Variants in PMEPA1 observed in about 807,000 individuals in gnomAD.
PMEPA1 encodes protein TMEPAI.
A neutral mutation model predicts 23.0 loss-of-function variants in PMEPA1; 11 were observed. The observed-to-expected ratio is 0.48, with a 90% CI of 0.30 to 0.79. The LOEUF (loss-of-function observed/expected upper bound fraction) is 0.79. PMEPA1 is among the 30% of genes least tolerant of loss of function. The probability of loss-of-function intolerance (pLI) is 0.06; values close to 1 mark genes in which losing one functional copy is unlikely to be tolerated. For missense variants in PMEPA1, 377 were observed against 390.9 expected (o/e 0.96, Z 0.30); for synonymous variants, 204 against 166.4 (o/e 1.23, Z -1.74).
In PMEPA1 at chr20:57,656,319, C is replaced by T. The variant is rs140655822; in HGVS notation, c.264+3224G>A. On this transcript the variant is annotated intron_variant, in intron 2 of 3. Transcript: ENST00000341744. This position sits in a 1 kb window ranked among gnomAD's most constrained non-coding sequence, Gnocchi z 4.7. The stretch of plus-strand genomic sequence containing the variant: ...AGATTGTCGCACATTGGCCTGGCCA[C>T]AGTCTTGTCCCTGCCCCTGGGAAAT... Among the ~76,000 whole-genome samples, 3,080 of 151,590 alleles carry T rather than the reference C, an allele frequency of 0.02. 51 individuals are homozygous for T. The highest frequency in any genetic ancestry group is 0.031 in the Non-Finnish European group (2,106 of 67,750).
upstream of PMEPA1, chr20:57,710,947 A>G (rs1336434466): frequency 6.5e-6 from 1 of 153,098 alleles, no homozygotes; most frequent in Non-Finnish European, 1.5e-5. Flanking sequence ...GCACTTAAGG[A>G]GCACCTACCT....
intron 1 of PMEPA1, among the ~76,000 whole-genome samples, chr20:57,681,829 A>C (rs1227172388): frequency 1.3e-5 from 2 of 152,110 alleles, no homozygotes; most frequent in African/African-American, 2.4e-5. Flanking sequence ...CTAGCTTAGC[A>C]GACCTCACCC....
At chr20:57,686,199 A>C (rs944746074) in intron 1 of PMEPA1, among the ~76,000 whole-genome samples, 2 of 152,118 alleles carry the variant, frequency 1.3e-5, no homozygotes, top group Non-Finnish European at 2.9e-5. Context: ...GGTTCTCCTA[A>C]ATGGGGGAAC....
At position 57,652,037 on chromosome 20, in the gene PMEPA1, G is replaced by C; in HGVS notation, c.*16C>G. Reference sequence around the variant, plus strand: ...CTTTTCACCTACGCAGCCCCAGCCCGGCCCCCCTGGGGACCCTAGAGAGGG... The same window carrying C: ...CTTTTCACCTACGCAGCCCCAGCCCCGCCCCCCTGGGGACCCTAGAGAGGG... On this transcript the variant is annotated 3_prime_UTR_variant, in exon 4 of 4. Transcript: ENST00000341744. This position sits in a 1 kb window ranked among gnomAD's most constrained non-coding sequence, Gnocchi z 6.1. 1.4e-6 allele frequency: 2 copies of C among 1,458,622 alleles called. No individual in the cohort carries two copies. The highest frequency in any genetic ancestry group is 1.4e-5 in the South Asian group (1 of 69,050). 90.4% of individuals were successfully genotyped at this position (1,458,622 alleles called of 1,614,324 possible). A position where few individuals can be genotyped will look rare whatever the true frequency, so the allele number is the denominator to read the frequency against.
At chr20:57,665,662 G>C (rs203386) in intron 1 of PMEPA1, among the ~76,000 whole-genome samples, 61,775 of 151,966 alleles carry the variant, frequency 0.41, 12,745 homozygotes, top group East Asian at 0.53. Flanking sequence ...TCCCCTGATG[G>C]TCCCTGGAAA....
At chr20:57,675,206 G>A (rs1451102757) in intron 1 of PMEPA1, among the ~76,000 whole-genome samples, 1 of 151,590 alleles carries the variant, frequency 6.6e-6, no homozygotes, top group Non-Finnish European at 1.5e-5. Flanking sequence ...GGTGGCAAGG[G>A]CCAGACTTTC....
intron 1 of PMEPA1, among the ~76,000 whole-genome samples, chr20:57,694,041 A>G (rs1568682435): frequency 6.6e-6 from 1 of 152,210 alleles, no homozygotes. Flanking sequence ...GCAGGGCCAC[A>G]GCCTGGACCA....
At chr20:57,661,624 A>C (rs2071420131) in intron 1 of PMEPA1, among the ~76,000 whole-genome samples, 1 of 152,154 alleles carries the variant, frequency 6.6e-6, no homozygotes, top group Admixed American at 6.5e-5. Flanking sequence ...CGGGGTGGGC[A>C]GGTGTCAGGT....
In PMEPA1 at chr20:57,652,285, T is replaced by G. The variant is rs146362224; in HGVS notation, c.632A>C (p.Asn211Thr). ...RLGGPCPPSS[N>T]SGISATCYGS... ...GTAGCACGTGGCGCTGATGCCCGAG[T>G]TACTGCTGGGGGGGCAGGGGCCGCC... The change falls in exon 4 of 4, where the codon AAC (asparagine) becomes ACC (threonine). Residue 211 changes from asparagine to threonine, a missense_variant. Physicochemically the swap from Asn to Thr is moderately conservative, Grantham distance 65. Transcript: ENST00000341744. The surrounding 1 kb of genome is among the most constrained non-coding windows in gnomAD (Gnocchi z 6.1). 74 of 1,609,566 alleles carry G rather than the reference T, an allele frequency of 4.6e-5. No individual in the cohort carries two copies. Among genetic ancestry groups the G allele is most frequent in the Non-Finnish European group, 6.0e-5 (71 of 1,179,608 alleles).
chr20:57,654,832 C>A (rs1008530557), intron 2 of PMEPA1, among the ~76,000 whole-genome samples: 4 of 152,162 alleles, frequency 2.6e-5, no homozygotes, highest in Non-Finnish European at 2.9e-5. Context: ...CCAGAGGCTG[C>A]GAGTGCCGCT....
In PMEPA1 at chr20:57,650,441, C is replaced by T. The variant is rs1354782554; in HGVS notation, c.*1612G>A. The T allele has an allele frequency of 1.3e-5, 2 of 152,248 alleles. No homozygotes were observed. The highest frequency in any genetic ancestry group is 2.4e-5 in the African/African-American group (1 of 41,442). 9.4% of individuals were successfully genotyped at this position (152,248 alleles called of 1,614,324 possible). ...CCCAAAGCCCCACCCCTCATGCTCT[C>T]CTCTGGTCACCTCTATTTACGCTCA... On this transcript the variant is annotated 3_prime_UTR_variant, in exon 4 of 4. Coordinates refer to ENST00000341744, the MANE Select transcript of PMEPA1 (RefSeq NM_020182.5).
chr20:57,710,383 C>T (rs964861731), upstream of PMEPA1: 3 of 1,489,714 alleles, frequency 2.0e-6, no homozygotes, highest in Admixed American at 1.9e-5. Flanking sequence ...AGCCTATCTT[C>T]TGAGGAGCAC....
In PMEPA1 at chr20:57,656,267, G is replaced by A. The variant is rs1235431280; in HGVS notation, c.265-3181C>T. Among the ~76,000 whole-genome samples, 6 of 150,918 alleles carry A rather than the reference G, an allele frequency of 4.0e-5. No individual in the cohort carries two copies. The highest frequency in any genetic ancestry group is 6.6e-5 in the Admixed American group (1 of 15,242). On this transcript the variant is annotated intron_variant, in intron 2 of 3. Coordinates refer to ENST00000341744, the MANE Select transcript of PMEPA1 (RefSeq NM_020182.5). This position sits in a 1 kb window ranked among gnomAD's most constrained non-coding sequence, Gnocchi z 4.7. ...ATCTCCTGAGGCCATGGGAGTGGAC[G>A]CTAGGTCTTTGGCTCCCGCTGCTGG...
chr20:57,658,408 C>T (rs2146643860), intron 2 of PMEPA1, among the ~76,000 whole-genome samples: 1 of 152,344 alleles, frequency 6.6e-6, no homozygotes, highest in Middle Eastern at 3.4e-3. Flanking sequence ...GCACCTGCTC[C>T]TGTCTGCGCC....
At chr20:57,664,505 C>T (rs1001655014) in intron 1 of PMEPA1, among the ~76,000 whole-genome samples, 3 of 152,118 alleles carry the variant, frequency 2.0e-5, no homozygotes, top group African/African-American at 7.2e-5. Flanking sequence ...GTGTATGAAG[C>T]GGCACCAATA....
rs1384049549 is a variant in PMEPA1, at chr20:57,655,133, A to G, written c.265-2047T>C. Among the ~76,000 whole-genome samples the G allele has an allele frequency of 6.6e-6, 1 of 152,156 alleles. No individual in the cohort carries two copies. On this transcript the variant is annotated intron_variant, in intron 2 of 3. Coordinates refer to ENST00000341744, the MANE Select transcript of PMEPA1 (RefSeq NM_020182.5). The surrounding 1 kb of genome is among the most constrained non-coding windows in gnomAD (Gnocchi z 4.2). Reference sequence around the variant, plus strand: ...TGACAGCGCCTGCAATGCACCATACAGTGTGTTCTGCAAGGTGCCCAGTGA... The same window carrying G: ...TGACAGCGCCTGCAATGCACCATACGGTGTGTTCTGCAAGGTGCCCAGTGA...
At chr20:57,709,400 C>G in intron 1 of PMEPA1, 74 bp downstream of exon 1, 1 of 999,066 alleles carries the variant, frequency 1.0e-6, no homozygotes. Flanking sequence ...CCCGGACCCC[C>G]GCTCGCAGCT....
chr20:57,701,717 G>A (rs952710870), intron 1 of PMEPA1, among the ~76,000 whole-genome samples: 2 of 152,042 alleles, frequency 1.3e-5, no homozygotes, highest in Non-Finnish European at 2.9e-5. Flanking sequence ...CCTCACAGAG[G>A]GTCAACTGGA....
chr20:57,649,841 C>T lies in PMEPA1; in HGVS notation c.*2212G>A, dbSNP rs1019789884. The stretch of plus-strand genomic sequence containing the variant: ...CAGTCCCAGGTGAGTGAGGCACTGT[C>T]CGGGAACGTCCTCACCGAGCGACGG... On this transcript the variant is annotated 3_prime_UTR_variant, in exon 4 of 4. Transcript: ENST00000341744. The T allele has an allele frequency of 3.9e-5, 6 of 152,592 alleles. No individual in the cohort carries two copies. Among genetic ancestry groups the T allele is most frequent in the Non-Finnish European group, 8.8e-5 (6 of 68,038 alleles). 9.5% of individuals were successfully genotyped at this position (152,592 alleles called of 1,614,324 possible).
Sources: gnomAD v4.1 joint callset for allele counts (sites outside exome capture counted in the v4.1 genomes callset) on GRCh38, gnomAD v4.1.1 for gene constraint, Gnocchi (gnomAD v3.1) non-coding constraint, MANE v1.5 for transcripts, NCBI Gene and HGNC (gene_info 2026-07-23, HGNC 2026-07-21) for gene names.